UMODL1: variants seen among roughly 807,000 people sequenced by gnomAD.
UMODL1 encodes the protein uromodulin-like 1.
UMODL1 carries 128 observed loss-of-function variants against 136.3 expected under a neutral mutation model. That is an observed-to-expected ratio of 0.94 (90% CI 0.81 to 1.09). The LOEUF is 1.09. Ranked by LOEUF, UMODL1 falls within the 50% of genes least tolerant of loss-of-function variation. The pLI, the probability that UMODL1 is intolerant of heterozygous loss-of-function variation, is 0.00. For missense variants in UMODL1, 1,766 were observed against 1,725.6 expected, an observed-to-expected ratio of 1.02 and a Z score of -0.41; for synonymous variants, 721 against 720.0, an observed-to-expected ratio of 1.00 and a Z score of -0.02.
chr21:42,119,058 C>T (rs569945549), intron 14 of UMODL1, 53 bp from the exon 15 acceptor site: 2 of 1,563,774 alleles, frequency 1.3e-6, no homozygotes, highest in East Asian at 2.3e-5. Flanking sequence ...TTGAGACGGG[C>T]ATCTGTTTCC....
At position 42,127,701 on chromosome 21, in the gene UMODL1, TGATTGA is replaced by T; in HGVS notation, c.3563_3568del (p.Ile1188_Glu1189del). 6.2e-7 allele frequency: 1 copy of T among 1,614,112 alleles called. No individual in the cohort carries two copies. Among genetic ancestry groups the T allele is most frequent in the Non-Finnish European group, 8.5e-7 (1 of 1,180,002 alleles). On this transcript the variant is annotated inframe_deletion, in exon 20 of 23. Coordinates refer to ENST00000408910, the MANE Select transcript of UMODL1 (RefSeq NM_001004416.3). The stretch of plus-strand genomic sequence containing the variant: ...CCTGTGCCCAACACATACACCAACG[TGATTGA>T]GAACGGCAACTCCAATAAGGCCCAG...
chr21:42,107,411 C>T (rs2066736686), intron 9 of UMODL1, among the ~76,000 whole-genome samples: 2 of 152,188 alleles, frequency 1.3e-5, no homozygotes, highest in African/African-American at 4.8e-5. Context: ...TGCCTGCTCC[C>T]ACCCGCCTCG....
chr21:42,074,230 T>C (rs2066262617), intron 1 of UMODL1, among the ~76,000 whole-genome samples: 1 of 152,188 alleles, frequency 6.6e-6, no homozygotes. Context: ...TTGGTGTTCC[T>C]TGACAGGTAG....
chr21:42,108,979 G>T (rs1380145495), intron 9 of UMODL1, among the ~76,000 whole-genome samples: 2 of 68,392 alleles, frequency 2.9e-5, no homozygotes, highest in Non-Finnish European at 5.2e-5. Context: ...TGTAAAGCTG[G>T]TGTTATGCTC....
intron 20 of UMODL1, 90 bp from the exon 21 acceptor site, chr21:42,129,623 A>G (rs2067106510): frequency 8.4e-7 from 1 of 1,190,136 alleles, no homozygotes; most frequent in Admixed American, 2.6e-5. Flanking sequence ...AAAATCGCAT[A>G]CATCACATTA....
upstream of UMODL1, among the ~76,000 whole-genome samples, chr21:42,067,510 G>A (rs2066192430): frequency 6.6e-6 from 1 of 152,204 alleles, no homozygotes; most frequent in Non-Finnish European, 1.5e-5. Context: ...TGCCACCCAG[G>A]GGACCCTGTC....
At chr21:42,130,468 T>C (rs2067120033) in intron 21 of UMODL1, among the ~76,000 whole-genome samples, 1 of 151,190 alleles carries the variant, frequency 6.6e-6, no homozygotes, top group Non-Finnish European at 1.5e-5. Context: ...ATTGTGTGCT[T>C]TGGGTATTAA....
Position 42,085,361 on chromosome 21 carries a change from C to A in UMODL1, c.552C>A (p.Leu184=), listed in dbSNP as rs2066413638. The change falls in exon 4 of 23, where the codon CTC becomes CTA. Residue 184 remains leucine (L), a synonymous_variant. Transcript: ENST00000408910. The surrounding 1 kb of genome is among the most constrained non-coding windows in gnomAD (Gnocchi z 4.5). ...TGGTGAAAATGGACTTCAAGGAACT[C>A]CAGCAAGTGGACCCCAGGCTCCTGA... ...TILVKMDFKE[L]QQVDPRLLNH... 6.2e-7 allele frequency: 1 copy of A among 1,613,924 alleles called. No homozygotes were observed. Among genetic ancestry groups the A allele is most frequent in the African/African-American group, 1.3e-5 (1 of 74,912 alleles).
At position 42,099,492 on chromosome 21, in the gene UMODL1, AAAT is replaced by A. The variant is rs2066600732; in HGVS notation, c.1186+324_1186+326del. 6.6e-6 allele frequency among the ~76,000 whole-genome samples: 1 copy of A among 152,108 alleles called. No homozygotes were observed. The highest frequency in any genetic ancestry group is 1.5e-5 in the Non-Finnish European group (1 of 68,020). ...TCAGCTAGGGTGAAGCAAAGGAACA[AAAT>A]AATAATAATAAAGCAGAAGGCGGCA... On this transcript the variant is annotated intron_variant, in intron 7 of 22. Coordinates refer to ENST00000408910, the MANE Select transcript of UMODL1 (RefSeq NM_001004416.3). This position sits in a 1 kb window ranked among gnomAD's most constrained non-coding sequence, Gnocchi z 4.1.
chr21:42,065,162 C>T (rs1202948782), intron 1 of UMODL1, among the ~76,000 whole-genome samples: 2 of 152,192 alleles, frequency 1.3e-5, no homozygotes, highest in African/African-American at 4.8e-5. Context: ...CCAGGAGTGA[C>T]TGTGCTGGGG....
chr21:42,129,685 G>T, intron 20 of UMODL1, 28 bp from the exon 21 acceptor site: 1 of 1,551,876 alleles, frequency 6.4e-7, no homozygotes. Flanking sequence ...TTAATTTGAC[G>T]TTTCTCTTCT....
chr21:42,094,569 G>A (rs1251041489), intron 6 of UMODL1, among the ~76,000 whole-genome samples: 1 of 152,094 alleles, frequency 6.6e-6, no homozygotes, highest in Non-Finnish European at 1.5e-5. Flanking sequence ...CATTTAAGGG[G>A]GACACTGAAA....
intron 12 of UMODL1, chr21:42,112,907 A>G (rs1033058441): frequency 6.6e-6 from 1 of 152,558 alleles, no homozygotes; most frequent in Non-Finnish European, 1.5e-5. Flanking sequence ...TTACTTGTAG[A>G]AGATTTAGCC....
At chr21:42,127,980 T>C in intron 20 of UMODL1, 149 bp downstream of exon 20, 1 of 1,014,384 alleles carries the variant, frequency 9.9e-7, no homozygotes, top group Non-Finnish European at 1.5e-6. Flanking sequence ...AGACTCCGCG[T>C]CTGAAATGGT....
intron 2 of UMODL1, among the ~76,000 whole-genome samples, chr21:42,080,493 T>C (rs2066349535): frequency 6.6e-6 from 1 of 152,120 alleles, no homozygotes; most frequent in Admixed American, 6.5e-5. Flanking sequence ...CACTCAATAA[T>C]GACTTATGCA....
intron 2 of UMODL1, among the ~76,000 whole-genome samples, chr21:42,077,094 A>G (rs2066303498): frequency 6.7e-6 from 1 of 148,702 alleles, no homozygotes; most frequent in Non-Finnish European, 1.5e-5. Context: ...AGTCAATACC[A>G]GATCTGCAAT....
intron 10 of UMODL1, among the ~76,000 whole-genome samples, chr21:42,110,134 G>A (rs1294518320): frequency 1.3e-5 from 2 of 152,196 alleles, no homozygotes; most frequent in East Asian, 1.9e-4. Flanking sequence ...AGAGAGGCCC[G>A]ATGGGGGCCG....
At position 42,099,275 on chromosome 21, in the gene UMODL1, C is replaced by T. The variant is rs994220782; in HGVS notation, c.1186+95C>T. On this transcript the variant is annotated intron_variant, in intron 7 of 22. Coordinates refer to ENST00000408910, the MANE Select transcript of UMODL1 (RefSeq NM_001004416.3). This position sits in a 1 kb window ranked among gnomAD's most constrained non-coding sequence, Gnocchi z 4.1. ...GCATGTCGCGTTCTTCTTCCTATAA[C>T]CAGGGCACCAGAAGTCACTGACCGC... 99 of 1,497,188 alleles carry T rather than the reference C, an allele frequency of 6.6e-5. 1 individual carries two copies. Among genetic ancestry groups the T allele is most frequent in the Admixed American group, 1.9e-4 (9 of 47,168 alleles). 92.7% of individuals were successfully genotyped at this position (1,497,188 alleles called of 1,614,324 possible).
intron 9 of UMODL1, chr21:42,108,173 T>TA (rs917458805): frequency 9.6e-6 from 4 of 417,172 alleles, no homozygotes; most frequent in African/African-American, 8.2e-5. Flanking sequence ...CGCCCCAAAA[T>TA]AGACATCAGG....
Sources: gnomAD v4.1 joint callset for allele counts (sites outside exome capture counted in the v4.1 genomes callset) on GRCh38, gnomAD v4.1.1 for gene constraint, Gnocchi (gnomAD v3.1) non-coding constraint, MANE v1.5 for transcripts, NCBI Gene and HGNC (gene_info 2026-07-23, HGNC 2026-07-21) for gene names.